BMERB1: variants seen among roughly 807,000 people sequenced by gnomAD.
BMERB1 encodes the protein bMERB domain-containing protein 1.
In BMERB1, 12 loss-of-function variants were observed where a neutral mutation model predicts 23.6. That is an observed-to-expected ratio of 0.51 (90% CI 0.33 to 0.82). The LOEUF (loss-of-function observed/expected upper bound fraction) is 0.82, where lower values mean the gene tolerates loss of function less well. BMERB1 is among the 40% of genes least tolerant of loss of function. BMERB1 has a pLI of 0.03. For missense variants in BMERB1, 247 were observed against 255.4 expected, an observed-to-expected ratio of 0.97 and a Z score of 0.22; for synonymous variants, 122 against 96.6, an observed-to-expected ratio of 1.26 and a Z score of -1.54.
At chr16:15,570,974 A>T (rs929999655) in intron 3 of BMERB1, among the ~76,000 whole-genome samples, 1 of 152,074 alleles carries the variant, frequency 6.6e-6, no homozygotes, top group South Asian at 2.1e-4. Flanking sequence ...GGTCACTTTC[A>T]TCGCCATCTT....
intron 2 of BMERB1, among the ~76,000 whole-genome samples, chr16:15,519,283 G>A (rs1291497919): frequency 1.3e-5 from 2 of 152,188 alleles, no homozygotes; most frequent in African/African-American, 2.4e-5. Flanking sequence ...CACCTGCTGC[G>A]AAGTAATCAC....
chr16:15,446,618 A>G (rs1423232700), intron 1 of BMERB1, among the ~76,000 whole-genome samples: 4 of 152,320 alleles, frequency 2.6e-5, no homozygotes, highest in Admixed American at 1.3e-4. Flanking sequence ...GATAAGTGGT[A>G]GGGCTGAGAT....
rs1225982061 is a variant in BMERB1 at position 15,444,119 on chromosome 16, C to CTTTTTT, written c.106+9363_106+9364insTTTTTT. Among the ~76,000 whole-genome samples the CTTTTTT allele has an allele frequency of 3.2e-3, 77 of 24,416 alleles. 2 individuals are homozygous for CTTTTTT. The highest frequency in any genetic ancestry group is 0.012 in the African/African-American group (65 of 5,286). The allele number at this position is 24,416 out of a possible 152,430, so 16.0% of individuals were successfully genotyped here. A position where few individuals can be genotyped will look rare whatever the true frequency, so the allele number is the denominator to read the frequency against. ...CCAAAGGCCAGGGTCCAGGCACCAGCTTTGTTTTTTTTTTTTTTTTTTTTT... is the reference window on the plus strand; with the variant it reads ...CCAAAGGCCAGGGTCCAGGCACCAGCTTTTTTTTTGTTTTTTTTTTTTTTTTTTTTT... On this transcript the variant is annotated intron_variant, in intron 1 of 5. Transcript: ENST00000300006.
chr16:15,462,085 C>T (rs1316483789), intron 1 of BMERB1, among the ~76,000 whole-genome samples: 2 of 149,324 alleles, frequency 1.3e-5, no homozygotes, highest in Non-Finnish European at 3.0e-5. Context: ...CATACTTATC[C>T]TACACAAAAA....
chr16:15,568,847 G>C (rs892612950), intron 3 of BMERB1, among the ~76,000 whole-genome samples: 1 of 151,972 alleles, frequency 6.6e-6, no homozygotes, highest in Non-Finnish European at 1.5e-5. Flanking sequence ...TGACTTATTT[G>C]GCATCTTCTC....
At chr16:15,514,108 CA>C (rs200314465) in intron 1 of BMERB1, among the ~76,000 whole-genome samples, 2,736 of 151,530 alleles carry the variant, frequency 0.018, 88 homozygotes, top group African/African-American at 0.064. Context: ...CCCATCTCTA[CA>C]AAAAAATAAA....
At chr16:15,517,720 C>T (rs2051781100) in intron 2 of BMERB1, among the ~76,000 whole-genome samples, 1 of 150,780 alleles carries the variant, frequency 6.6e-6, no homozygotes, top group South Asian at 2.1e-4. Context: ...CACTTACTGA[C>T]CTTTACTGTG....
chr16:15,505,307 G>A (rs1039481094), intron 1 of BMERB1, among the ~76,000 whole-genome samples: 1 of 152,166 alleles, frequency 6.6e-6, no homozygotes, highest in Non-Finnish European at 1.5e-5. Context: ...GGAAAGCTAC[G>A]CATTTTCTCC....
At chr16:15,570,089 A>G (rs1433433695) in intron 3 of BMERB1, among the ~76,000 whole-genome samples, 2 of 152,154 alleles carry the variant, frequency 1.3e-5, no homozygotes, top group African/African-American at 4.8e-5. Context: ...TCTCACTGTT[A>G]TCATTTTTGC....
intron 1 of BMERB1, among the ~76,000 whole-genome samples, chr16:15,455,854 G>T (rs912837734): frequency 5.9e-5 from 9 of 152,158 alleles, no homozygotes; most frequent in African/African-American, 1.9e-4. Context: ...ACCTGTACTC[G>T]GAAGCCAGGA....
chr16:15,442,745 G>A (rs575949545), intron 1 of BMERB1, among the ~76,000 whole-genome samples: 1 of 152,270 alleles, frequency 6.6e-6, no homozygotes, highest in African/African-American at 2.4e-5. Context: ...GTTTCAGGGG[G>A]TTAAGAAACT....
rs566221896 is a variant in BMERB1, at chr16:15,496,742, G to A, written c.107-18563G>A. ...TTTAGTAGAGACGGGGTTTCACCAT[G>A]TTAGCCAGGATGGTCTTGATCTCCT... On this transcript the variant is annotated intron_variant, in intron 1 of 5. Transcript: ENST00000300006. Among the ~76,000 whole-genome samples the A allele has an allele frequency of 2.6e-5, 4 of 152,234 alleles. No individual in the cohort carries two copies. The East Asian group carries it at 7.7e-4, about 29-fold the overall frequency.
chr16:15,568,648 A>G (rs746773106), intron 3 of BMERB1, among the ~76,000 whole-genome samples: 22 of 152,274 alleles, frequency 1.4e-4, no homozygotes, highest in Middle Eastern at 3.4e-3. Context: ...AAAAAAATAT[A>G]TAATTAAATT....
intron 1 of BMERB1, among the ~76,000 whole-genome samples, chr16:15,482,997 C>G (rs1332782841): frequency 6.6e-6 from 1 of 152,160 alleles, no homozygotes; most frequent in Admixed American, 6.5e-5. Context: ...CACAATTCTA[C>G]CCGCCAAAGT....
intron 1 of BMERB1, among the ~76,000 whole-genome samples, chr16:15,466,302 A>G (rs1047168635): frequency 6.6e-6 from 1 of 152,062 alleles, no homozygotes; most frequent in Non-Finnish European, 1.5e-5. Flanking sequence ...GTAGTATTTC[A>G]TTGTTATTTT....
At chr16:15,555,608 A>G (rs2030231307) in intron 2 of BMERB1, among the ~76,000 whole-genome samples, 1 of 152,144 alleles carries the variant, frequency 6.6e-6, no homozygotes, top group Non-Finnish European at 1.5e-5. Flanking sequence ...GTGGATGTAA[A>G]TCCACAGTCC....
intron 1 of BMERB1, among the ~76,000 whole-genome samples, chr16:15,442,732 G>A (rs560824967): frequency 2.0e-5 from 3 of 152,210 alleles, no homozygotes; most frequent in South Asian, 2.1e-4. Flanking sequence ...TGGGGAAACC[G>A]AGGTTTCAGG....
chr16:15,468,162 T>TTCC (rs57267276), intron 1 of BMERB1, among the ~76,000 whole-genome samples: 1 of 64,532 alleles, frequency 1.5e-5, no homozygotes, highest in Non-Finnish European at 3.1e-5. Flanking sequence ...TTTTTTTTTT[T>TTCC]TGAGGCAGGG....
intron 1 of BMERB1, among the ~76,000 whole-genome samples, chr16:15,446,337 G>C (rs938034271): frequency 1.4e-4 from 21 of 152,192 alleles, no homozygotes; most frequent in African/African-American, 5.1e-4. Flanking sequence ...TGAGGCTGCA[G>C]TGAGCTATGA....
Sources: allele counts gnomAD v4.1 joint callset (sites outside exome capture counted in the v4.1 genomes callset), GRCh38; gene constraint gnomAD v4.1.1; transcripts MANE v1.5; gene names NCBI Gene and HGNC (gene_info 2026-07-23, HGNC 2026-07-21).